The following KCNAB2 variants were observed in gnomAD, a reference collection of about 807,000 sequenced individuals.
KCNAB2 encodes potassium voltage-gated channel subfamily A regulatory beta subunit 2.
A neutral mutation model predicts 63.6 loss-of-function variants in KCNAB2; 29 were observed. That is an observed-to-expected ratio of 0.46 (90% CI 0.34 to 0.62). The LOEUF (loss-of-function observed/expected upper bound fraction) is 0.62, where lower values mean the gene tolerates loss of function less well. Ranked by LOEUF, KCNAB2 falls within the 20% of genes least tolerant of loss-of-function variation. The pLI, the probability that KCNAB2 is intolerant of heterozygous loss-of-function variation, is 0.01. For synonymous variants in KCNAB2, 222 were observed against 224.2 expected, an observed-to-expected ratio of 0.99 and a Z score of 0.09; for missense variants, 359 against 563.9, an observed-to-expected ratio of 0.64 and a Z score of 3.68.
At chr1:6,079,211 T>C (rs12757354) in intron 4 of KCNAB2, among the ~76,000 whole-genome samples, 13,619 of 151,048 alleles carry the variant, frequency 0.09, 748 homozygotes, top group African/African-American at 0.14. Context: ...CCCCACCCAC[T>C]CTCTCCTTGC....
At chr1:6,058,756 G>C (rs115710016) in intron 2 of KCNAB2, among the ~76,000 whole-genome samples, 2,785 of 152,360 alleles carry the variant, frequency 0.018, 97 homozygotes, top group African/African-American at 0.059. Context: ...AGGAGGGAGG[G>C]AGGCGAGCAG....
In KCNAB2 at chr1:6,096,565, C is replaced by T; in HGVS notation, c.949-71C>T. ...GGTCCAGAAGGAATGAGCCCATCGG[C>T]CCCCTGCACGTGGGGGTCCAGGTGA... is the stretch of plus-strand genomic sequence containing the variant. On this transcript the variant is annotated intron_variant, in intron 13 of 15. Transcript: ENST00000378083. This position sits in a 1 kb window ranked among gnomAD's most constrained non-coding sequence, Gnocchi z 5.9. The T allele has an allele frequency of 6.5e-7, 1 of 1,533,844 alleles. No homozygotes were observed. The highest frequency in any genetic ancestry group is 1.4e-5 in the African/African-American group (1 of 73,392).
At position 6,035,200 on chromosome 1, in the gene KCNAB2, A is replaced by T. The variant is rs892969282; in HGVS notation, c.-53+406A>T. ...GGGAGTGAGTCTGTCTGCTGGGTTC[A>T]CAGACCCCCAGGGAGCCAGTGTGGC... On this transcript the variant is annotated intron_variant, in intron 1 of 15. Coordinates refer to the KCNAB2 transcript ENST00000164247. The surrounding 1 kb of genome is among the most constrained non-coding windows in gnomAD (Gnocchi z 5.0). Among the ~76,000 whole-genome samples the T allele has an allele frequency of 7.0e-6, 1 of 142,132 alleles. No homozygotes were observed. The highest frequency in any genetic ancestry group is 2.7e-5 in the African/African-American group (1 of 37,402). The allele number at this position is 142,132 out of a possible 152,430, so 93.2% of individuals were successfully genotyped here. A position where few individuals can be genotyped will look rare whatever the true frequency, so the allele number is the denominator to read the frequency against.
chr1:6,048,066 C>G (rs557829689), intron 1 of KCNAB2, among the ~76,000 whole-genome samples: 2 of 152,348 alleles, frequency 1.3e-5, no homozygotes, highest in Admixed American at 1.3e-4. Context: ...CCATTCTGTC[C>G]TGCCCTCTCT....
At chr1:6,018,145 G>A (rs996999298) in intron 1 of KCNAB2, among the ~76,000 whole-genome samples, 2 of 151,676 alleles carry the variant, frequency 1.3e-5, no homozygotes, top group African/African-American at 4.8e-5. Flanking sequence ...TGTTGCCCAG[G>A]CTGGTTTTGA....
intron 10 of KCNAB2, among the ~76,000 whole-genome samples, chr1:6,093,867 G>C (rs779049590): frequency 1.3e-5 from 2 of 152,206 alleles, no homozygotes; most frequent in African/African-American, 2.4e-5. Context: ...TGGCGCCCCA[G>C]GTCCTGCCAC....
intron 5 of KCNAB2, among the ~76,000 whole-genome samples, chr1:6,084,786 A>AGCC (rs56141381): frequency 1.3e-5 from 2 of 151,388 alleles, no homozygotes; most frequent in South Asian, 2.1e-4. Context: ...ACTACATTCC[A>AGCC]TTGATAGAGC....
chr1:6,009,087 CTGTT>C (rs1380825338), intron 1 of KCNAB2, among the ~76,000 whole-genome samples: 5 of 152,370 alleles, frequency 3.3e-5, no homozygotes, highest in African/African-American at 9.6e-5. Context: ...CTCTGAGCCT[CTGTT>C]TGAAGTGGTC....
rs539338197 is a variant in KCNAB2 at position 5,998,048 on chromosome 1, C to A, written c.-53+5260C>A. Among the ~76,000 whole-genome samples, 3 of 152,312 alleles carry A rather than the reference C, an allele frequency of 2.0e-5. No individual in the cohort carries two copies. In the East Asian group the frequency reaches 5.8e-4, roughly 29 times the overall value. On this transcript the variant is annotated intron_variant, in intron 1 of 16. Transcript: ENST00000341524. ...GACGGGGGCAGTGGGGACATTTGACCTGGACCTTGAAAGACAGGCAGGTTG... is the reference window on the plus strand; with the variant it reads ...GACGGGGGCAGTGGGGACATTTGACATGGACCTTGAAAGACAGGCAGGTTG...
intron 2 of KCNAB2, among the ~76,000 whole-genome samples, chr1:6,070,108 G>A (rs544970318): frequency 1.3e-5 from 2 of 152,332 alleles, no homozygotes; most frequent in African/African-American, 4.8e-5. Context: ...TTGCAGAGGT[G>A]GGGGCCAGGC....
At chr1:6,092,774 C>T (rs1299931314) in intron 10 of KCNAB2, among the ~76,000 whole-genome samples, 5 of 150,718 alleles carry the variant, frequency 3.3e-5, no homozygotes, top group Non-Finnish European at 5.9e-5. Context: ...GACTCCCTCC[C>T]AGATCTCCAC....
intron 14 of KCNAB2, 37 bp from the exon 15 acceptor site, chr1:6,097,232 G>A (rs1456619956): frequency 2.0e-6 from 3 of 1,511,300 alleles, no homozygotes; most frequent in Non-Finnish European, 2.7e-6. Flanking sequence ...CCCCTGTGGT[G>A]GGTGTTTCTC....
chr1:6,027,820 C>G (rs910517625), intron 1 of KCNAB2, among the ~76,000 whole-genome samples: 1 of 152,218 alleles, frequency 6.6e-6, no homozygotes, highest in Non-Finnish European at 1.5e-5. Flanking sequence ...CATCTGTCGC[C>G]GTGCCACTGG....
chr1:6,022,497 T>C (rs1658906263), intron 1 of KCNAB2, among the ~76,000 whole-genome samples: 2 of 152,102 alleles, frequency 1.3e-5, no homozygotes, highest in South Asian at 2.1e-4. Flanking sequence ...TTCAGTGGTA[T>C]TGAGTGTACA....
Position 6,035,904 on chromosome 1 carries a change from G to A in KCNAB2, c.-53+1110G>A, listed in dbSNP as rs115766534. The A allele has an allele frequency of 3.3e-3, 507 of 152,998 alleles. 1 individual carries two copies. Among genetic ancestry groups the A allele is most frequent in the African/African-American group, 0.011 (471 of 41,550 alleles). The allele number at this position is 152,998 out of a possible 1,614,324, so 9.5% of individuals were successfully genotyped here. ...GGAGGACAGCGATGAGCAGGAAGAA[G>A]CCCAGGAGACTGAGAAGGAGTGGCT... On this transcript the variant is annotated intron_variant, in intron 1 of 15. Coordinates refer to the KCNAB2 transcript ENST00000164247. This position sits in a 1 kb window ranked among gnomAD's most constrained non-coding sequence, Gnocchi z 5.0.
At position 6,094,468 on chromosome 1, in the gene KCNAB2, A is replaced by G; in HGVS notation, c.715A>G (p.Ser239Gly). Residue 239 changes from serine (S) to glycine (G), a missense_variant, in exon 11 of 16, where the codon AGC becomes GGC. By Grantham distance (56) the Ser-to-Gly change is moderately conservative. Coordinates refer to ENST00000378083, the MANE Select transcript of KCNAB2 (RefSeq NM_001199862.2). Reference protein sequence around the residue: ...MAMYWGTSRWSSMEIMEAYSV... With the variant: ...MAMYWGTSRWGSMEIMEAYSV... ...CATGTACTGGGGCACGTCACGCTGGAGCTCCATGGAGATCATGGTACGGTG... is the reference window on the plus strand; with the variant it reads ...CATGTACTGGGGCACGTCACGCTGGGGCTCCATGGAGATCATGGTACGGTG... 6.2e-7 allele frequency: 1 copy of G among 1,611,206 alleles called. No homozygotes were observed. Among genetic ancestry groups the G allele is most frequent in the Admixed American group, 1.7e-5 (1 of 59,798 alleles).
upstream of KCNAB2, among the ~76,000 whole-genome samples, chr1:6,031,987 C>T (rs539224749): frequency 6.6e-6 from 1 of 152,284 alleles, no homozygotes; most frequent in East Asian, 1.9e-4. The surrounding 1 kb of genome is among the most constrained non-coding windows in gnomAD (Gnocchi z 4.1). Flanking sequence ...GCCAGAGTCC[C>T]ATAAAGGGGC....
intron 1 of KCNAB2, among the ~76,000 whole-genome samples, chr1:6,027,687 ATCT>A (rs956264452): frequency 6.6e-6 from 1 of 152,146 alleles, no homozygotes; most frequent in Non-Finnish European, 1.5e-5. Context: ...CTAGCTTGTG[ATCT>A]TCTTGAAAAT....
chr1:6,068,706 A>T (rs1662955146), intron 2 of KCNAB2, among the ~76,000 whole-genome samples: 1 of 152,100 alleles, frequency 6.6e-6, no homozygotes, highest in Non-Finnish European at 1.5e-5. Context: ...CTGCACAGGG[A>T]CTGTCCCAGG....
Sources: gnomAD v4.1 joint callset for allele counts (sites outside exome capture counted in the v4.1 genomes callset) on GRCh38, gnomAD v4.1.1 for gene constraint, Gnocchi (gnomAD v3.1) non-coding constraint, MANE v1.5 for transcripts, NCBI Gene and HGNC (gene_info 2026-07-23, HGNC 2026-07-21) for gene names.